The following SCHIP1 variants were observed in gnomAD, a reference collection of about 807,000 sequenced individuals.
SCHIP1 encodes the protein schwannomin interacting protein 1.
In SCHIP1, 8 loss-of-function variants were observed where a neutral mutation model predicts 29.7. The ratio of observed to expected loss-of-function variants is 0.27; its 90% CI spans 0.16 to 0.49. The LOEUF (loss-of-function observed/expected upper bound fraction) is 0.49. SCHIP1 is among the 20% of genes least tolerant of loss of function. The pLI is 0.99. For synonymous variants in SCHIP1, 76 were observed against 94.9 expected (o/e 0.80, Z 1.16); for missense variants, 193 against 294.6 (o/e 0.66, Z 2.52).
At chr3:159,591,191 T>TA in the SCHIP1 span, among the ~76,000 whole-genome samples, 1 of 152,228 alleles carries the variant, frequency 6.6e-6, no homozygotes, top group Non-Finnish European at 1.5e-5. Context: ...GTTTTCTAAA[T>TA]ATATAGTCAT....
chr3:159,823,464 G>T, the SCHIP1 span, among the ~76,000 whole-genome samples: 5 of 152,156 alleles, frequency 3.3e-5, no homozygotes, highest in Non-Finnish European at 1.5e-5. Flanking sequence ...CTTCTGTAGT[G>T]TGGAGTTAAT....
the SCHIP1 span, among the ~76,000 whole-genome samples, chr3:159,408,215 G>A: frequency 0.19 from 28,170 of 151,598 alleles, 2,756 homozygotes; most frequent in Middle Eastern, 0.28. Context: ...GAAGAATGGC[G>A]TGAACCCAGG....
the SCHIP1 span, among the ~76,000 whole-genome samples, chr3:159,766,120 C>A: frequency 0.021 from 3,144 of 152,266 alleles, 108 homozygotes; most frequent in African/African-American, 0.071. Context: ...TTAATGATGA[C>A]CCTAATTAGG....
At chr3:159,614,884 G>A in the SCHIP1 span, among the ~76,000 whole-genome samples, 1 of 152,218 alleles carries the variant, frequency 6.6e-6, no homozygotes, top group Admixed American at 6.5e-5. Flanking sequence ...CAAGGGACAC[G>A]AAGTGAAATA....
chr3:159,612,680 G>T, the SCHIP1 span, among the ~76,000 whole-genome samples: 1 of 152,178 alleles, frequency 6.6e-6, no homozygotes, highest in Non-Finnish European at 1.5e-5. Context: ...CGGGGAGGCG[G>T]AGGTTGCAGT....
chr3:159,730,017 C>T, the SCHIP1 span, among the ~76,000 whole-genome samples: 1 of 152,170 alleles, frequency 6.6e-6, no homozygotes, highest in Non-Finnish European at 1.5e-5. Flanking sequence ...TATATCTACA[C>T]TATATCTATC....
At chr3:159,291,808 C>T in the SCHIP1 span, among the ~76,000 whole-genome samples, 1 of 151,954 alleles carries the variant, frequency 6.6e-6, no homozygotes, top group Admixed American at 6.6e-5. Context: ...AAGAAGCCAA[C>T]TGAAAAACTG....
At chr3:159,421,906 G>A in the SCHIP1 span, among the ~76,000 whole-genome samples, 2 of 152,086 alleles carry the variant, frequency 1.3e-5, no homozygotes, top group African/African-American at 4.8e-5. Context: ...AAGTCATGTT[G>A]CAATTTTTTA....
the SCHIP1 span, chr3:159,309,368 T>C: frequency 6.6e-6 from 1 of 152,306 alleles, no homozygotes; most frequent in Non-Finnish European, 1.5e-5. Flanking sequence ...AAATGGACCA[T>C]GATGATTTCT....
the SCHIP1 span, among the ~76,000 whole-genome samples, chr3:159,366,758 CTG>C: frequency 6.6e-6 from 1 of 152,164 alleles, no homozygotes; most frequent in Non-Finnish European, 1.5e-5. Context: ...CCCACTATGC[CTG>C]TTAACCTAGA....
the SCHIP1 span, among the ~76,000 whole-genome samples, chr3:159,615,512 C>A: frequency 6.6e-6 from 1 of 152,176 alleles, no homozygotes; most frequent in Non-Finnish European, 1.5e-5. Flanking sequence ...GCCTACCTGG[C>A]ACCTTTATGG....
chr3:159,416,826 A>G, the SCHIP1 span, among the ~76,000 whole-genome samples: 1 of 152,282 alleles, frequency 6.6e-6, no homozygotes, highest in East Asian at 1.9e-4. Context: ...AAATTATGTG[A>G]CAATAACAGA....
At chr3:159,736,841 TCTC>T in the SCHIP1 span, among the ~76,000 whole-genome samples, 2 of 152,052 alleles carry the variant, frequency 1.3e-5, no homozygotes, top group Admixed American at 1.3e-4. Flanking sequence ...TTCACGCCAT[TCTC>T]CTGCCTCAGT....
the SCHIP1 span, among the ~76,000 whole-genome samples, chr3:159,287,610 G>A: frequency 5.9e-5 from 9 of 152,080 alleles, no homozygotes; most frequent in African/African-American, 1.9e-4. Context: ...ATACCGCATT[G>A]CTATATGCTA....
At chr3:159,870,246 C>A (rs888755027) in intron 2 of SCHIP1, among the ~76,000 whole-genome samples, 1 of 151,838 alleles carries the variant, frequency 6.6e-6, no homozygotes, top group Non-Finnish European at 1.5e-5. Flanking sequence ...TGGCTAGGTA[C>A]CCTAATACAG....
the SCHIP1 span, among the ~76,000 whole-genome samples, chr3:159,572,674 T>C: frequency 6.6e-6 from 1 of 152,218 alleles, no homozygotes; most frequent in Non-Finnish European, 1.5e-5. Flanking sequence ...GATATCCGTG[T>C]TAACCTTCTG....
chr3:159,801,178 A>G, the SCHIP1 span, among the ~76,000 whole-genome samples: 1 of 152,218 alleles, frequency 6.6e-6, no homozygotes, highest in African/African-American at 2.4e-5. Context: ...GAAAAGCTAT[A>G]TACAAAAGTA....
chr3:159,481,636 G>A, the SCHIP1 span, among the ~76,000 whole-genome samples: 1 of 152,158 alleles, frequency 6.6e-6, no homozygotes, highest in East Asian at 1.9e-4. Context: ...AGAGGTAGGA[G>A]TAACTGCCAG....
the SCHIP1 span, among the ~76,000 whole-genome samples, chr3:159,770,110 A>G: frequency 6.6e-6 from 1 of 152,152 alleles, no homozygotes; most frequent in Non-Finnish European, 1.5e-5. Flanking sequence ...AGATTCATCC[A>G]TGTTATTGTA....
Sources: allele counts gnomAD v4.1 joint callset (sites outside exome capture counted in the v4.1 genomes callset), GRCh38; gene constraint gnomAD v4.1.1; transcripts MANE v1.5; gene names NCBI Gene and HGNC (gene_info 2026-07-23, HGNC 2026-07-21).